NUBPL: variants seen among roughly 807,000 people sequenced by gnomAD.
The protein encoded by NUBPL is iron-sulfur cluster transfer protein NUBPL.
Under a neutral mutation model 45.7 loss-of-function variants are expected in NUBPL, and 31 were observed. The observed-to-expected ratio is 0.68, with a 90% CI of 0.51 to 0.92. NUBPL has a LOEUF of 0.92. Ranked by LOEUF, NUBPL falls within the 40% of genes least tolerant of loss-of-function variation. The pLI is 0.00. For synonymous variants in NUBPL, 144 were observed against 140.9 expected (o/e 1.02, Z -0.15); for missense variants, 401 against 398.7 (o/e 1.01, Z -0.05).
intron 4 of NUBPL, among the ~76,000 whole-genome samples, chr14:31,648,095 T>C (rs1054857950): frequency 6.6e-6 from 1 of 152,222 alleles, no homozygotes; most frequent in Non-Finnish European, 1.5e-5. Context: ...TTCTGTTGTA[T>C]CTTTTCTGTC....
At chr14:31,752,827 A>G (rs186022436) in intron 6 of NUBPL, among the ~76,000 whole-genome samples, 1 of 152,362 alleles carries the variant, frequency 6.6e-6, no homozygotes, top group East Asian at 1.9e-4. Context: ...AAAAAGGTTT[A>G]ATGAACTCAC....
chr14:31,814,083 G>A (rs1226489476), intron 7 of NUBPL, among the ~76,000 whole-genome samples: 6 of 152,136 alleles, frequency 3.9e-5, no homozygotes, highest in Admixed American at 2.0e-4. Context: ...GGTATTTCTG[G>A]TTCTAGATCC....
At chr14:31,610,340 AC>A (rs891470781) in intron 4 of NUBPL, among the ~76,000 whole-genome samples, 1 of 152,030 alleles carries the variant, frequency 6.6e-6, no homozygotes, top group Non-Finnish European at 1.5e-5. Context: ...TACACGTACA[AC>A]CTACCAAGAT....
Position 31,640,458 on chromosome 14 carries a change from A to C in NUBPL, c.383-32897A>C, listed in dbSNP as rs184126723. Reference sequence around the variant, plus strand: ...CTGCTAAAAATACAAAAATTAGTAAAAATACAAAAATTAGGGCATGGTGGT... The same window carrying C: ...CTGCTAAAAATACAAAAATTAGTAACAATACAAAAATTAGGGCATGGTGGT... On this transcript the variant is annotated intron_variant, in intron 4 of 10. Coordinates refer to ENST00000281081, the MANE Select transcript of NUBPL (RefSeq NM_025152.3). Among the ~76,000 whole-genome samples, 8 of 151,996 alleles carry C rather than the reference A, an allele frequency of 5.3e-5. No individual in the cohort carries two copies. In the East Asian group the frequency reaches 1.6e-3, roughly 30 times the overall value.
chr14:31,641,957 A>G (rs1183072825), intron 4 of NUBPL, among the ~76,000 whole-genome samples: 1 of 152,094 alleles, frequency 6.6e-6, no homozygotes, highest in African/African-American at 2.4e-5. Flanking sequence ...TTAAAAATAT[A>G]CTTGTTGGCC....
chr14:31,562,314 G>A lies in NUBPL; in HGVS notation c.256+99G>A, dbSNP rs113227931. ...AGTTTTGTGTTTTAAAAATTTATTT[G>A]TGAAGTTCCTAACATGTGATTCCTT... On this transcript the variant is annotated intron_variant, in intron 2 of 10. Transcript: ENST00000281081. The A allele has an allele frequency of 1.2e-4, 138 of 1,161,874 alleles. 1 individual carries two copies. In the African/African-American group the frequency reaches 1.5e-3, roughly 13 times the overall value. The allele number at this position is 1,161,874 out of a possible 1,614,324, so 72.0% of individuals were successfully genotyped here. A position where few individuals can be genotyped will look rare whatever the true frequency, so the allele number is the denominator to read the frequency against.
At chr14:31,638,752 A>C (rs1275139079) in intron 4 of NUBPL, among the ~76,000 whole-genome samples, 1 of 152,008 alleles carries the variant, frequency 6.6e-6, no homozygotes, top group East Asian at 1.9e-4. Context: ...TGGTGTTTTC[A>C]CATAGTCCCA....
At chr14:31,686,116 T>G (rs1439493843) in intron 6 of NUBPL, among the ~76,000 whole-genome samples, 2 of 152,210 alleles carry the variant, frequency 1.3e-5, no homozygotes, top group African/African-American at 2.4e-5. Context: ...GCCTACTGGA[T>G]GCTGAATATC....
At chr14:31,711,456 C>T (rs577571865) in intron 6 of NUBPL, among the ~76,000 whole-genome samples, 17 of 152,126 alleles carry the variant, frequency 1.1e-4, no homozygotes, top group African/African-American at 3.4e-4. Context: ...ACTCACCGCT[C>T]GGCGATAGGT....
At chr14:31,769,624 T>C (rs73257224) in intron 6 of NUBPL, among the ~76,000 whole-genome samples, 6,258 of 152,136 alleles carry the variant, frequency 0.041, 304 homozygotes, top group African/African-American at 0.12. Context: ...AGTTTGGAGC[T>C]TTCCTGTTCT....
At chr14:31,576,162 C>CT (rs1225875956) in intron 3 of NUBPL, among the ~76,000 whole-genome samples, 2 of 152,182 alleles carry the variant, frequency 1.3e-5, no homozygotes, top group Admixed American at 1.3e-4. Context: ...CACACACTTT[C>CT]ATATATTCAT....
At chr14:31,702,491 A>G (rs2037362033) in intron 6 of NUBPL, among the ~76,000 whole-genome samples, 1 of 152,212 alleles carries the variant, frequency 6.6e-6, no homozygotes, top group Non-Finnish European at 1.5e-5. Flanking sequence ...GTCAAAGACA[A>G]ATTATCTTGG....
At chr14:31,831,368 T>A (rs529250957) in intron 8 of NUBPL, among the ~76,000 whole-genome samples, 1 of 152,124 alleles carries the variant, frequency 6.6e-6, no homozygotes, top group South Asian at 2.1e-4. Context: ...ATGAGCTTTT[T>A]TAATTTTATG....
At chr14:31,729,275 T>TGCC in intron 6 of NUBPL, among the ~76,000 whole-genome samples, 1 of 55,598 alleles carries the variant, frequency 1.8e-5, no homozygotes, top group South Asian at 7.0e-4. Flanking sequence ...AGATGCTCCA[T>TGCC]CCCCCCCCCC....
chr14:31,751,981 C>T (rs569135026), intron 6 of NUBPL, among the ~76,000 whole-genome samples: 1 of 152,330 alleles, frequency 6.6e-6, no homozygotes, highest in African/African-American at 2.4e-5. Context: ...GTACCTTGGC[C>T]TCTTTTAGCC....
At chr14:31,689,371 T>G (rs1389489560) in intron 6 of NUBPL, among the ~76,000 whole-genome samples, 1 of 152,210 alleles carries the variant, frequency 6.6e-6, no homozygotes, top group Non-Finnish European at 1.5e-5. Context: ...TTCTGACTGG[T>G]GTGAGATACT....
intron 6 of NUBPL, among the ~76,000 whole-genome samples, chr14:31,753,482 G>T (rs894356269): frequency 2.0e-5 from 3 of 152,076 alleles, no homozygotes; most frequent in African/African-American, 7.2e-5. Context: ...CAGGATCATG[G>T]CTGTCCCATG....
chr14:31,827,361 A>C (rs1042586500), intron 8 of NUBPL, among the ~76,000 whole-genome samples: 6 of 152,016 alleles, frequency 3.9e-5, no homozygotes, highest in South Asian at 2.1e-4. Context: ...AAAAAAAAAA[A>C]AAAACTGGAT....
chr14:31,698,411 G>A (rs1298940342), intron 6 of NUBPL, among the ~76,000 whole-genome samples: 1 of 150,968 alleles, frequency 6.6e-6, no homozygotes, highest in Non-Finnish European at 1.5e-5. Flanking sequence ...GGCAGTTTTG[G>A]TAACTTGTTT....
Sources: allele counts gnomAD v4.1 joint callset (sites outside exome capture counted in the v4.1 genomes callset), GRCh38; gene constraint gnomAD v4.1.1; transcripts MANE v1.5; gene names NCBI Gene and HGNC (gene_info 2026-07-23, HGNC 2026-07-21).